Variants in RNF123 observed in about 807,000 individuals in gnomAD.
RNF123 encodes the protein E3 ubiquitin-protein ligase RNF123.
Under a neutral mutation model 168.5 loss-of-function variants are expected in RNF123, and 86 were observed. The observed-to-expected ratio is 0.51, with a 90% CI of 0.43 to 0.61. RNF123 has a LOEUF of 0.61. Ranked by LOEUF, RNF123 falls within the 20% of genes least tolerant of loss-of-function variation. The pLI is 0.00. For synonymous variants in RNF123, 666 were observed against 689.1 expected (o/e 0.97, Z 0.52); for missense variants, 1,419 against 1,729.7 (o/e 0.82, Z 3.19).
Position 49,721,008 on chromosome 3 carries a change from T to TC in RNF123, c.3739-10dup. The TC allele has an allele frequency of 6.2e-7, 1 of 1,609,694 alleles. No individual in the cohort carries two copies. Among genetic ancestry groups the TC allele is most frequent in the Non-Finnish European group, 8.5e-7 (1 of 1,176,886 alleles). ...TCCAACTCCAGCCCACCCTTCACTC[T>TC]CCTCCCTGCAGCCCACCAGTGAGGA... On this transcript the variant is annotated splice_polypyrimidine_tract_variant and intron_variant, in intron 37 of 38. Transcript: ENST00000327697.
At chr3:49,693,765 T>G (rs1227744467) in intron 3 of RNF123, among the ~76,000 whole-genome samples, 1 of 152,150 alleles carries the variant, frequency 6.6e-6, no homozygotes, top group Non-Finnish European at 1.5e-5. Flanking sequence ...TCGCCAGCAT[T>G]TGTTATTGCC....
At chr3:49,696,848 T>C (rs2054279452) in intron 3 of RNF123, among the ~76,000 whole-genome samples, 1 of 149,562 alleles carries the variant, frequency 6.7e-6, no homozygotes, top group Admixed American at 6.7e-5. Context: ...GGTTTCACCA[T>C]GTGGCCAGGC....
At position 49,721,289 on chromosome 3, in the gene RNF123, C is replaced by T; in HGVS notation, c.3929C>T (p.Thr1310Ile). 6.2e-7 allele frequency: 1 copy of T among 1,614,208 alleles called. No homozygotes were observed. The highest frequency in any genetic ancestry group is 8.5e-7 in the Non-Finnish European group (1 of 1,180,034). ...GAGAAGGGAGCCAATACGAGTACTACCTCCTCAGCTGCCTAGCCCTCACAG... is the reference window on the plus strand; with the variant it reads ...GAGAAGGGAGCCAATACGAGTACTATCTCCTCAGCTGCCTAGCCCTCACAG... Reference protein sequence around the residue: ...DWEKGANTSTTSSAA With the variant: ...DWEKGANTSTISSAA The change falls in exon 39 of 39, where the codon ACC becomes ATC. Residue 1310 changes from threonine to isoleucine, a missense_variant. By Grantham distance (89) the Thr-to-Ile change is moderately conservative. This residue lies in a region of RNF123 where 50 missense variants were observed against 77.2 expected (regional missense o/e 0.65). Transcript: ENST00000327697.
Position 49,700,517 on chromosome 3 carries a change from C to T in RNF123, c.1156C>T (p.Leu386Phe), listed in dbSNP as rs1208645632. The T allele has an allele frequency of 2.5e-6, 4 of 1,614,086 alleles. No individual in the cohort carries two copies. Among genetic ancestry groups the T allele is most frequent in the Middle Eastern group, 1.6e-4 (1 of 6,084 alleles). ...CCTCAAGCAGTTGATGATGTCTCTG[C>T]TTCGGCTGTACCGATTCTCACCCAT... ...DCLKQLMMSL[L>F]RLYRFSPIVP... is the part of the protein sequence containing the mutation. Residue 386 changes from leucine (L) to phenylalanine (F), a missense_variant, in exon 14 of 39, where the codon CTT (leucine) becomes TTT (phenylalanine). Leu to Phe is a conservative substitution (Grantham distance 22). Around this residue, in one of 5 missense-constraint regions of RNF123, gnomAD observed 349 missense variants for 344.9 expected, o/e 1.01. Transcript: ENST00000327697.
In RNF123 at chr3:49,702,399, C is replaced by T. The variant is rs891614498; in HGVS notation, c.1623C>T (p.Gly541=). 3.1e-6 allele frequency: 5 copies of T among 1,614,166 alleles called. No homozygotes were observed. The highest frequency in any genetic ancestry group is 4.2e-6 in the Non-Finnish European group (5 of 1,180,000). The change falls in exon 19 of 39, where the codon GGC becomes GGT. Residue 541 remains glycine, a synonymous_variant. Coordinates refer to ENST00000327697, the MANE Select transcript of RNF123 (RefSeq NM_022064.5). ...AGTTTCTGCAGGAGAACGCCAGTGG[C>T]CGGGGGGTAGGTGTCCTCCAGGCCA... is the stretch of plus-strand genomic sequence containing the variant. ...FRKFLQENAS[G]RGNMPMLCPP... is the part of the protein sequence containing the mutation.
At chr3:49,700,069 C>T in intron 12 of RNF123, 158 bp from the exon 13 acceptor site, 1 of 1,035,160 alleles carries the variant, frequency 9.7e-7, no homozygotes, top group Non-Finnish European at 1.4e-6. Context: ...GCCTTCTTGT[C>T]CCTCAGTCAG....
At chr3:49,716,539 A>C in intron 35 of RNF123, 62 bp downstream of exon 35, 12 of 1,361,946 alleles carry the variant, frequency 8.8e-6, no homozygotes, top group East Asian at 2.3e-5. Flanking sequence ...GAGGGGCTGG[A>C]CAGGGCCTCC....
At chr3:49,705,791 G>T in intron 24 of RNF123, 112 bp downstream of exon 24, 1 of 1,528,426 alleles carries the variant, frequency 6.5e-7, no homozygotes. Flanking sequence ...GACCGTGCAT[G>T]GGAGCACATG....
At chr3:49,709,755 T>G (rs1238097434) in intron 26 of RNF123, among the ~76,000 whole-genome samples, 2 of 151,928 alleles carry the variant, frequency 1.3e-5, no homozygotes, top group African/African-American at 4.8e-5. Context: ...GTATTTTTTG[T>G]ACAGATGGGG....
chr3:49,715,402 C>A, intron 31 of RNF123, 173 bp from the exon 32 acceptor site: 1 of 757,292 alleles, frequency 1.3e-6, no homozygotes, highest in Non-Finnish European at 2.1e-6. Flanking sequence ...CAGATTCTGT[C>A]CCAACTAACT....
Position 49,705,966 on chromosome 3 carries a change from G to A in RNF123, c.2305-16G>A, listed in dbSNP as rs888604007. On this transcript the variant is annotated splice_polypyrimidine_tract_variant and intron_variant, in intron 24 of 38. Transcript: ENST00000327697. ...GCCCAAGGGGCACTCTGGACATGTG[G>A]TCCCATGCTGTGTAGATGGTGGGTG... is the stretch of plus-strand genomic sequence containing the variant. 2.5e-6 allele frequency: 4 copies of A among 1,612,658 alleles called. No homozygotes were observed. In the Admixed American group the frequency reaches 5.0e-5, roughly 20 times the overall value.
intron 25 of RNF123, 116 bp from the exon 26 acceptor site, chr3:49,706,675 C>G (rs2054526698): frequency 1.2e-6 from 1 of 854,556 alleles, no homozygotes; most frequent in South Asian, 1.5e-5. Context: ...AAAATGGAGC[C>G]CAATCCCTTG....
chr3:49,689,890 G>C (rs922798502), intron 1 of RNF123: 1 of 152,224 alleles, frequency 6.6e-6, no homozygotes, highest in Non-Finnish European at 1.5e-5. Context: ...GGGAGTCCCC[G>C]GGCGGGGACA....
chr3:49,707,201 C>G (rs939521675), intron 26 of RNF123, among the ~76,000 whole-genome samples: 7 of 151,396 alleles, frequency 4.6e-5, no homozygotes, highest in Non-Finnish European at 8.8e-5. Flanking sequence ...CCGTCCTTCT[C>G]TCCCAGTGCA....
intron 31 of RNF123, among the ~76,000 whole-genome samples, chr3:49,714,756 C>G (rs1246483847): frequency 6.6e-6 from 1 of 152,242 alleles, no homozygotes; most frequent in Non-Finnish European, 1.5e-5. Context: ...TCCCCTAGGC[C>G]TGGCCCTTGC....
At chr3:49,717,823 G>T (rs2080277808) in intron 35 of RNF123, 1 of 1,012,796 alleles carries the variant, frequency 9.9e-7, no homozygotes, top group Non-Finnish European at 1.4e-6. Context: ...GTGTTTCGAG[G>T]CCCATACAGG....
At chr3:49,702,280 A>C in intron 18 of RNF123, 54 bp from the exon 19 acceptor site, 3 of 1,602,734 alleles carry the variant, frequency 1.9e-6, no homozygotes, top group Non-Finnish European at 2.6e-6. Context: ...GAGCCAGCCC[A>C]GTCTGGGCCT....
At chr3:49,720,424 C>G (rs968188713) in intron 35 of RNF123, 87 bp from the exon 36 acceptor site, 2 of 1,369,214 alleles carry the variant, frequency 1.5e-6, no homozygotes, top group African/African-American at 2.9e-5. Flanking sequence ...CATGTACGAG[C>G]CATGGCACTC....
Position 49,699,372 on chromosome 3 carries a change from C to A in RNF123, c.765-96C>A. The A allele has an allele frequency of 8.7e-7, 1 of 1,148,410 alleles. No individual in the cohort carries two copies. The highest frequency in any genetic ancestry group is 1.3e-6 in the Non-Finnish European group (1 of 795,310). The allele number at this position is 1,148,410 out of a possible 1,614,324, so 71.1% of individuals were successfully genotyped here. On this transcript the variant is annotated intron_variant, in intron 10 of 38. Transcript: ENST00000327697. This position sits in a 1 kb window ranked among gnomAD's most constrained non-coding sequence, Gnocchi z 4.8. ...CAAGTTGTGATGCAAACCAGCCCTG[C>A]CCTAGAGCCCAGGCCCCGGGGTGGG... is the stretch of plus-strand genomic sequence containing the variant.
Sources: allele counts gnomAD v4.1 joint callset (sites outside exome capture counted in the v4.1 genomes callset), GRCh38; gene constraint gnomAD v4.1.1; regional missense constraint gnomAD v4.1.1; non-coding constraint Gnocchi (gnomAD v3.1); transcripts MANE v1.5; gene names NCBI Gene and HGNC (gene_info 2026-07-23, HGNC 2026-07-21).